The following PRKCE variants were observed in gnomAD, a reference collection of about 807,000 sequenced individuals.
PRKCE encodes the protein protein kinase C epsilon type.
A neutral mutation model predicts 85.4 loss-of-function variants in PRKCE; 16 were observed. The observed-to-expected ratio is 0.19, with a 90% confidence interval of 0.13 to 0.28. The LOEUF (loss-of-function observed/expected upper bound fraction) is 0.28, where lower values mean the gene tolerates loss of function less well. PRKCE is among the 10% of genes least tolerant of loss of function. PRKCE has a pLI of 1.00. For synonymous variants in PRKCE, 388 were observed against 371.5 expected, an observed-to-expected ratio of 1.04 and a Z score of -0.51; for missense variants, 573 against 975.2, an observed-to-expected ratio of 0.59 and a Z score of 5.49.
intron 11 of PRKCE, among the ~76,000 whole-genome samples, chr2:46,115,447 G>C (rs1274548279): frequency 1.3e-5 from 2 of 152,160 alleles, no homozygotes; most frequent in African/African-American, 4.8e-5. Flanking sequence ...TCAGAGATTT[G>C]AGCCACCAAA....
intron 1 of PRKCE, among the ~76,000 whole-genome samples, chr2:45,731,343 G>A (rs1330373532): frequency 6.6e-6 from 1 of 152,186 alleles, no homozygotes; most frequent in Non-Finnish European, 1.5e-5. Flanking sequence ...AGGACCATCA[G>A]TTCTGTGGCT....
At chr2:45,859,237 C>T (rs1350485194) in intron 2 of PRKCE, among the ~76,000 whole-genome samples, 1 of 151,612 alleles carries the variant, frequency 6.6e-6, no homozygotes, top group African/African-American at 2.4e-5. Flanking sequence ...TTCTTCTATT[C>T]CTAGACGTTG....
intron 1 of PRKCE, among the ~76,000 whole-genome samples, chr2:45,699,744 G>T (rs1286383251): frequency 1.3e-5 from 2 of 152,208 alleles, no homozygotes; most frequent in Non-Finnish European, 2.9e-5. Flanking sequence ...AGGTGGTAAA[G>T]GTATACAGTT....
At chr2:46,030,863 G>A (rs1170448832) in intron 10 of PRKCE, among the ~76,000 whole-genome samples, 2 of 152,122 alleles carry the variant, frequency 1.3e-5, no homozygotes, top group East Asian at 3.9e-4. Flanking sequence ...GGTCATCCAC[G>A]GAATATTTCT....
intron 12 of PRKCE, among the ~76,000 whole-genome samples, chr2:46,150,422 G>C (rs966388945): frequency 6.6e-6 from 1 of 152,202 alleles, no homozygotes; most frequent in Admixed American, 6.5e-5. Context: ...GATCTTATGG[G>C]AATCATGATG....
chr2:45,688,358 T>A (rs113484344), intron 1 of PRKCE, among the ~76,000 whole-genome samples: 287 of 152,272 alleles, frequency 1.9e-3, no homozygotes, highest in African/African-American at 6.4e-3. Flanking sequence ...GAGGGTAAGC[T>A]GAGATTCATG....
intron 14 of PRKCE, among the ~76,000 whole-genome samples, chr2:46,174,803 C>T (rs117387565): frequency 2.6e-5 from 4 of 152,278 alleles, no homozygotes; most frequent in East Asian, 1.9e-4. Context: ...CAACCTCACA[C>T]CTCCGCCTCC....
chr2:46,143,941 G>A (rs1190461821), intron 11 of PRKCE, among the ~76,000 whole-genome samples: 4 of 152,170 alleles, frequency 2.6e-5, no homozygotes, highest in Admixed American at 6.5e-5. Flanking sequence ...ACATCTTGAC[G>A]CCAGCAGACC....
intron 1 of PRKCE, among the ~76,000 whole-genome samples, chr2:45,832,263 G>A (rs1391092710): frequency 6.6e-6 from 1 of 152,060 alleles, no homozygotes; most frequent in African/African-American, 2.4e-5. Context: ...TGAGCTCCAG[G>A]AGGACAATGA....
At chr2:45,825,289 C>A (rs149276573) in intron 1 of PRKCE, among the ~76,000 whole-genome samples, 9 of 152,212 alleles carry the variant, frequency 5.9e-5, no homozygotes, top group African/African-American at 2.2e-4. Context: ...GCACTAGCCA[C>A]GGTTTTCCTG....
At chr2:45,659,837 C>CTTT (rs539573873) in intron 1 of PRKCE, among the ~76,000 whole-genome samples, 1,618 of 143,392 alleles carry the variant, frequency 0.011, 20 homozygotes, top group Middle Eastern at 0.022. Context: ...CCTTTCCTGC[C>CTTT]TTTTTTTTTT....
intron 2 of PRKCE, among the ~76,000 whole-genome samples, chr2:45,928,580 C>T (rs1698805281): frequency 1.3e-5 from 2 of 152,190 alleles, no homozygotes; most frequent in Admixed American, 1.3e-4. Context: ...CATAACTTTA[C>T]ACTTCTCTGG....
intron 2 of PRKCE, among the ~76,000 whole-genome samples, chr2:45,872,776 G>A (rs1157148263): frequency 2.6e-5 from 4 of 152,206 alleles, no homozygotes; most frequent in Admixed American, 2.6e-4. Flanking sequence ...AGGGGCTGGG[G>A]CCATTTCAAA....
chr2:45,927,279 AT>A (rs1284790244), intron 2 of PRKCE, among the ~76,000 whole-genome samples: 1 of 152,160 alleles, frequency 6.6e-6, no homozygotes, highest in Non-Finnish European at 1.5e-5. Flanking sequence ...ATGTAGTTGG[AT>A]TTTTGTGGTA....
At chr2:45,795,661 C>G (rs553454779) in intron 1 of PRKCE, among the ~76,000 whole-genome samples, 12 of 152,192 alleles carry the variant, frequency 7.9e-5, no homozygotes, top group Non-Finnish European at 1.8e-4. Flanking sequence ...ACTGGATTCT[C>G]CACCTGGCCT....
chr2:45,817,110 T>TGTGTGTGTGC (rs35748796), intron 1 of PRKCE, among the ~76,000 whole-genome samples: 1 of 127,704 alleles, frequency 7.8e-6, no homozygotes, highest in African/African-American at 3.0e-5. Context: ...TGTGTGTGTG[T>TGTGTGTGTGC]TGTGGGTAGG....
At chr2:46,183,788 C>G (rs1416225596) in intron 14 of PRKCE, among the ~76,000 whole-genome samples, 1 of 152,250 alleles carries the variant, frequency 6.6e-6, no homozygotes, top group Non-Finnish European at 1.5e-5. Flanking sequence ...CAAATCCCAA[C>G]TTCTCCATGG....
intron 1 of PRKCE, among the ~76,000 whole-genome samples, chr2:45,751,454 C>A (rs1417345717): frequency 2.6e-5 from 4 of 152,084 alleles, no homozygotes; most frequent in African/African-American, 9.7e-5. Flanking sequence ...AATCTCTGAT[C>A]CCTACTTATA....
chr2:45,900,098 TG>T (rs1696465126), intron 2 of PRKCE, among the ~76,000 whole-genome samples: 1 of 152,096 alleles, frequency 6.6e-6, no homozygotes, highest in South Asian at 2.1e-4. Flanking sequence ...AAAATGCAGT[TG>T]GAAAAAACCC....
Sources: gnomAD v4.1 joint callset for allele counts (sites outside exome capture counted in the v4.1 genomes callset) on GRCh38, gnomAD v4.1.1 for gene constraint, MANE v1.5 for transcripts, NCBI Gene and HGNC (gene_info 2026-07-23, HGNC 2026-07-21) for gene names.